The following ADAM12 variants were observed in gnomAD, a reference collection of about 807,000 sequenced individuals.
ADAM12 encodes the protein disintegrin and metalloproteinase domain-containing protein 12.
A neutral mutation model predicts 106.4 loss-of-function variants in ADAM12; 70 were observed. The observed-to-expected ratio is 0.66, with a 90% CI of 0.54 to 0.80. The LOEUF (loss-of-function observed/expected upper bound fraction) is 0.80. Ranked by LOEUF, ADAM12 falls within the 30% of genes least tolerant of loss-of-function variation. ADAM12 has a pLI of 0.00. For missense variants in ADAM12, 1,010 were observed against 1,171.9 expected (o/e 0.86, Z 2.02); for synonymous variants, 420 against 433.5 (o/e 0.97, Z 0.39).
At position 126,053,443 on chromosome 10, in the gene ADAM12, C is replaced by T. The variant is rs540881434; in HGVS notation, c.1610-3774G>A. Among the ~76,000 whole-genome samples the T allele has an allele frequency of 8.5e-5, 13 of 152,184 alleles. No individual in the cohort carries two copies. The East Asian group carries it at 9.7e-4, about 11-fold the overall frequency. On this transcript the variant is annotated intron_variant, in intron 14 of 22. Coordinates refer to ENST00000448723, the MANE Select transcript of ADAM12 (RefSeq NM_001288973.2). This position sits in a 1 kb window ranked among gnomAD's most constrained non-coding sequence, Gnocchi z 4.6. ...ACCAATAACGCAGAAGCATGGTACA[C>T]GCCCCAGCAGAAGGCCACCTGGCAT...
At chr10:126,320,119 T>G (rs1168839504) in intron 2 of ADAM12, among the ~76,000 whole-genome samples, 3 of 152,226 alleles carry the variant, frequency 2.0e-5, no homozygotes, top group African/African-American at 7.2e-5. Context: ...AAAATCTTAT[T>G]CCTTAGTGTT....
intron 3 of ADAM12, among the ~76,000 whole-genome samples, chr10:126,203,115 G>A (rs376723837): frequency 5.9e-5 from 9 of 152,260 alleles, no homozygotes; most frequent in African/African-American, 1.2e-4. Flanking sequence ...TGGAGACAGC[G>A]ATGGTCAGGT....
chr10:126,107,631 C>T lies in ADAM12; in HGVS notation c.741+962G>A, dbSNP rs1955797530. On this transcript the variant is annotated intron_variant, in intron 8 of 22. Coordinates refer to ENST00000448723, the MANE Select transcript of ADAM12 (RefSeq NM_001288973.2). Reference sequence around the variant, plus strand: ...GAAAGGCTCAGCCATGACCAGATCCCTTCTCACACTGTCCCCACAGGCAAG... The same window carrying T: ...GAAAGGCTCAGCCATGACCAGATCCTTTCTCACACTGTCCCCACAGGCAAG... Among the ~76,000 whole-genome samples, 2 of 152,212 alleles carry T rather than the reference C, an allele frequency of 1.3e-5. 1 individual carries two copies. Among genetic ancestry groups the T allele is most frequent in the South Asian group, 4.1e-4 (2 of 4,836 alleles).
At chr10:126,308,019 A>G (rs888613596) in intron 2 of ADAM12, among the ~76,000 whole-genome samples, 2 of 152,206 alleles carry the variant, frequency 1.3e-5, no homozygotes, top group African/African-American at 2.4e-5. Context: ...ATCTGTAGGA[A>G]AATTGGACTG....
intron 6 of ADAM12, among the ~76,000 whole-genome samples, chr10:126,112,235 TGA>T (rs1955882759): frequency 6.6e-6 from 1 of 150,886 alleles, no homozygotes; most frequent in Non-Finnish European, 1.5e-5. Flanking sequence ...GGGTGGGGGA[TGA>T]GAGGAGGGAA....
At chr10:126,017,841 A>C (rs1953688203) in intron 22 of ADAM12, among the ~76,000 whole-genome samples, 1 of 152,228 alleles carries the variant, frequency 6.6e-6, no homozygotes, top group African/African-American at 2.4e-5. Flanking sequence ...AAAAAATGAA[A>C]TGTGCAGGAC....
intron 3 of ADAM12, among the ~76,000 whole-genome samples, chr10:126,225,490 C>T (rs376536589): frequency 3.3e-5 from 5 of 152,286 alleles, no homozygotes; most frequent in East Asian, 1.9e-4. Flanking sequence ...GTCATCCATG[C>T]GTGATCCTGC....
chr10:126,189,352 T>C lies in ADAM12; in HGVS notation c.261-34047A>G, dbSNP rs569991626. ...AGAATGGGGTATACGGTGGGGAGTGTAGGAAGGACTGAGGCAAAAGGACCA... is the reference window on the plus strand; with the variant it reads ...AGAATGGGGTATACGGTGGGGAGTGCAGGAAGGACTGAGGCAAAAGGACCA... On this transcript the variant is annotated intron_variant, in intron 3 of 22. Transcript: ENST00000448723. Among the ~76,000 whole-genome samples, 4 of 152,168 alleles carry C rather than the reference T, an allele frequency of 2.6e-5. No individual in the cohort carries two copies. In the East Asian group the frequency reaches 7.7e-4, roughly 29 times the overall value.
In ADAM12 at chr10:126,274,516, T is replaced by TA. The variant is rs568601642; in HGVS notation, c.260+4398dup. On this transcript the variant is annotated intron_variant, in intron 3 of 22. Transcript: ENST00000448723. ...CACAGGATTTTACATTTATCCCCAT[T>TA]AAATCTCACCTTGTTAGTTTTGGCC... Among the ~76,000 whole-genome samples, 10 of 152,322 alleles carry TA rather than the reference T, an allele frequency of 6.6e-5. No homozygotes were observed. The South Asian group carries it at 1.2e-3, about 19-fold the overall frequency.
intron 9 of ADAM12, among the ~76,000 whole-genome samples, chr10:126,099,050 T>C (rs1226879339): frequency 2.0e-5 from 3 of 152,116 alleles, no homozygotes; most frequent in Non-Finnish European, 1.5e-5. Context: ...CCACAAAGCC[T>C]TGGCACCTAG....
intron 4 of ADAM12, among the ~76,000 whole-genome samples, chr10:126,149,753 A>G (rs139520798): frequency 3.0e-3 from 463 of 152,270 alleles, no homozygotes; most frequent in African/African-American, 9.4e-3. Context: ...ACCTACACCA[A>G]TGGTTTGCCA....
chr10:126,323,398 A>G (rs1366517048), intron 2 of ADAM12, among the ~76,000 whole-genome samples: 1 of 152,260 alleles, frequency 6.6e-6, no homozygotes, highest in Non-Finnish European at 1.5e-5. Flanking sequence ...GTAAGATACC[A>G]CATAGCACTA....
rs193040419 is a variant in ADAM12 at position 126,343,185 on chromosome 10, C to A, written c.89-12676G>T. Among the ~76,000 whole-genome samples the A allele has an allele frequency of 2.4e-3, 355 of 145,484 alleles. 6 individuals are homozygous for A. In the East Asian group the frequency reaches 0.033, roughly 13 times the overall value. On this transcript the variant is annotated intron_variant, in intron 1 of 22. Transcript: ENST00000448723. ...TAATGCTATCCCTCCCCCCTCCCCC[C>A]ATCCCACGACAGGCCCTGGTGTGTG...
chr10:126,295,751 T>C (rs1960347586), intron 2 of ADAM12, among the ~76,000 whole-genome samples: 1 of 152,202 alleles, frequency 6.6e-6, no homozygotes, highest in Admixed American at 6.5e-5. Flanking sequence ...CCTGGACTTT[T>C]TGGTGGCCTA....
intron 2 of ADAM12, among the ~76,000 whole-genome samples, chr10:126,312,524 A>T (rs1961153863): frequency 6.6e-6 from 1 of 152,026 alleles, no homozygotes; most frequent in Non-Finnish European, 1.5e-5. Context: ...TGAGATATGG[A>T]TGCCGTGTGG....
intron 2 of ADAM12, among the ~76,000 whole-genome samples, chr10:126,301,555 T>C (rs1172739405): frequency 6.6e-6 from 1 of 152,166 alleles, no homozygotes; most frequent in African/African-American, 2.4e-5. Context: ...TCCACATTTC[T>C]AGGCTAAATG....
intron 2 of ADAM12, among the ~76,000 whole-genome samples, chr10:126,305,977 T>A (rs990832593): frequency 3.3e-5 from 5 of 152,134 alleles, no homozygotes; most frequent in African/African-American, 1.2e-4. Flanking sequence ...ATATACTTCA[T>A]TTCTGTATGT....
At chr10:126,050,083 G>A (rs1212960518) in intron 14 of ADAM12, among the ~76,000 whole-genome samples, 1 of 152,198 alleles carries the variant, frequency 6.6e-6, no homozygotes, top group Non-Finnish European at 1.5e-5. Context: ...CACAATTCCG[G>A]TGAGGAAATG....
chr10:126,192,917 G>A (rs1287966814), intron 3 of ADAM12, among the ~76,000 whole-genome samples: 1 of 152,164 alleles, frequency 6.6e-6, no homozygotes, highest in African/African-American at 2.4e-5. Flanking sequence ...GGAGAGAGTC[G>A]CCAGCCTTTG....
Sources: allele counts gnomAD v4.1 joint callset (sites outside exome capture counted in the v4.1 genomes callset), GRCh38; gene constraint gnomAD v4.1.1; non-coding constraint Gnocchi (gnomAD v3.1); transcripts MANE v1.5; gene names NCBI Gene and HGNC (gene_info 2026-07-23, HGNC 2026-07-21).